Variants in NSG2 observed in about 807,000 individuals in gnomAD.
The protein encoded by NSG2 is neuronal vesicle trafficking associated 2.
A neutral mutation model predicts 16.9 loss-of-function variants in NSG2; 4 were observed. The ratio of observed to expected loss-of-function variants is 0.24; its 90% CI spans 0.12 to 0.54. The LOEUF is 0.54. NSG2 is among the 20% of genes least tolerant of loss of function. NSG2 has a pLI of 0.95. For synonymous variants in NSG2, 98 were observed against 88.7 expected, an observed-to-expected ratio of 1.11 and a Z score of -0.59; for missense variants, 179 against 221.1, an observed-to-expected ratio of 0.81 and a Z score of 1.21.
intron 3 of NSG2, 103 bp from the exon 4 acceptor site, chr5:174,104,125 C>G: frequency 3.8e-6 from 3 of 794,254 alleles, no homozygotes; most frequent in Non-Finnish European, 6.5e-6. Flanking sequence ...GTCCCCCTTT[C>G]TAGCACACCA....
chr5:174,047,589 G>A (rs1287513600), intron 2 of NSG2, among the ~76,000 whole-genome samples: 1 of 152,198 alleles, frequency 6.6e-6, no homozygotes, highest in Non-Finnish European at 1.5e-5. Context: ...AAGGCAAAGG[G>A]CACACATATG....
rs148278017 is a variant in NSG2, at chr5:174,046,444, T to C, written c.-22-290T>C. On this transcript the variant is annotated intron_variant, in intron 1 of 4. Transcript: ENST00000303177. ...AGCACTTTAGCTCTAGTGTCTTGGG[T>C]ATTTGTTTTACACTTATATTTTTTG... Among the ~76,000 whole-genome samples, 262 of 152,260 alleles carry C rather than the reference T, an allele frequency of 1.7e-3. 1 individual carries two copies. Among genetic ancestry groups the C allele is most frequent in the African/African-American group, 6.0e-3 (248 of 41,542 alleles).
intron 3 of NSG2, among the ~76,000 whole-genome samples, chr5:174,087,941 C>T (rs1760659339): frequency 3.9e-5 from 6 of 152,082 alleles, no homozygotes; most frequent in Admixed American, 3.3e-4. Context: ...TAGGGATTGA[C>T]CCTAGAGAAT....
chr5:174,080,799 G>A (rs1225767562), intron 3 of NSG2, among the ~76,000 whole-genome samples: 2 of 152,082 alleles, frequency 1.3e-5, no homozygotes, highest in African/African-American at 2.4e-5. Context: ...CTGATCTCAG[G>A]TGATCCGCCC....
At chr5:174,064,471 G>A in intron 3 of NSG2, 156 bp downstream of exon 3, 2 of 479,440 alleles carry the variant, frequency 4.2e-6, no homozygotes, top group Non-Finnish European at 3.8e-6. Flanking sequence ...TGGCCACTGA[G>A]TTTAATCAAA....
At chr5:174,078,289 C>T (rs1760383218) in intron 3 of NSG2, among the ~76,000 whole-genome samples, 1 of 152,086 alleles carries the variant, frequency 6.6e-6, no homozygotes, top group East Asian at 1.9e-4. Flanking sequence ...CACACACACA[C>T]ACACAGACAC....
intron 4 of NSG2, among the ~76,000 whole-genome samples, chr5:174,105,977 A>C (rs1233867250): frequency 6.6e-6 from 1 of 152,226 alleles, no homozygotes; most frequent in Non-Finnish European, 1.5e-5. Flanking sequence ...ACTGTGACAC[A>C]TCCACCCAGT....
At chr5:174,049,201 G>A (rs779450475) in intron 2 of NSG2, among the ~76,000 whole-genome samples, 5 of 152,222 alleles carry the variant, frequency 3.3e-5, no homozygotes, top group Non-Finnish European at 5.9e-5. Context: ...TTAGCCGGGC[G>A]TGGTGGTGGG....
intron 3 of NSG2, among the ~76,000 whole-genome samples, chr5:174,097,264 T>C (rs893175314): frequency 6.6e-6 from 1 of 152,074 alleles, no homozygotes; most frequent in Non-Finnish European, 1.5e-5. Flanking sequence ...GGGTGCATCT[T>C]CATGGGTGCC....
At chr5:174,066,292 A>G in intron 3 of NSG2, 1 of 455,948 alleles carries the variant, frequency 2.2e-6, no homozygotes, top group Non-Finnish European at 4.4e-6. Context: ...ACCTGCATGA[A>G]TGAGCACAGA....
chr5:174,058,819 A>G (rs1760004933), intron 2 of NSG2, among the ~76,000 whole-genome samples: 2 of 152,234 alleles, frequency 1.3e-5, no homozygotes, highest in Non-Finnish European at 2.9e-5. Context: ...CGGGGTGAAG[A>G]CAAAATATTG....
intron 2 of NSG2, among the ~76,000 whole-genome samples, chr5:174,055,360 G>A (rs1381293706): frequency 2.0e-5 from 3 of 152,166 alleles, no homozygotes; most frequent in African/African-American, 7.2e-5. Context: ...TTGGGAAGCC[G>A]AGGTGGGCGG....
At chr5:174,076,970 A>T (rs1760354913) in intron 3 of NSG2, among the ~76,000 whole-genome samples, 1 of 152,212 alleles carries the variant, frequency 6.6e-6, no homozygotes, top group South Asian at 2.1e-4. Flanking sequence ...GATAAGTCAG[A>T]TTTGTTCAGT....
In NSG2 at chr5:174,107,612, G is replaced by C. The variant is rs1412027081; in HGVS notation, c.*107G>C. ...ACTGTACTCCTGGGATATGGGGGCGGGGGCGGGGCAGGGCAGGGTGGGGGG... is the reference window on the plus strand; with the variant it reads ...ACTGTACTCCTGGGATATGGGGGCGCGGGCGGGGCAGGGCAGGGTGGGGGG... On this transcript the variant is annotated 3_prime_UTR_variant, in exon 5 of 5. Transcript: ENST00000303177. This position sits in a 1 kb window ranked among gnomAD's most constrained non-coding sequence, Gnocchi z 4.5. 1.9e-6 allele frequency: 2 copies of C among 1,074,722 alleles called. No homozygotes were observed. Among genetic ancestry groups the C allele is most frequent in the Middle Eastern group, 4.2e-4 (2 of 4,740 alleles). The allele number at this position is 1,074,722 out of a possible 1,614,324, so 66.6% of individuals were successfully genotyped here. A position where few individuals can be genotyped will look rare whatever the true frequency, so the allele number is the denominator to read the frequency against.
chr5:174,073,367 A>C (rs1415758492), intron 3 of NSG2, among the ~76,000 whole-genome samples: 4 of 152,072 alleles, frequency 2.6e-5, no homozygotes, highest in Non-Finnish European at 5.9e-5. Flanking sequence ...CTTTCTTTTA[A>C]ATTTTGAGGA....
chr5:174,046,692 CCTCA>C (rs1759805033), intron 1 of NSG2, 38 bp from the exon 2 acceptor site: 1 of 1,599,670 alleles, frequency 6.3e-7, no homozygotes, highest in Non-Finnish European at 8.5e-7. Flanking sequence ...TCTCTTTCTG[CCTCA>C]CCTCCTGCTG....
chr5:174,080,870 T>TTGAGATTTTCTATCTAGAAGC (rs1414975393), intron 3 of NSG2, among the ~76,000 whole-genome samples: 2 of 152,178 alleles, frequency 1.3e-5, no homozygotes. Context: ...GCGTAAAATA[T>TTGAGATTTTCTATCTAGAAGC]TGAGATTTTC....
chr5:174,108,129 C>G lies in NSG2; in HGVS notation c.*624C>G, dbSNP rs140278071. On this transcript the variant is annotated 3_prime_UTR_variant, in exon 5 of 5. Transcript: ENST00000303177. ...ATGTGCTGGCCTCTGGTGCATTTTG[C>G]AAGATGAGCACAAACTTTCTGGGCC... The G allele has an allele frequency of 1.7e-4, 36 of 209,950 alleles. No homozygotes were observed. Among genetic ancestry groups the G allele is most frequent in the African/African-American group, 8.5e-4 (36 of 42,106 alleles). 13.0% of individuals were successfully genotyped at this position (209,950 alleles called of 1,614,324 possible). A position where few individuals can be genotyped will look rare whatever the true frequency, so the allele number is the denominator to read the frequency against.
At chr5:174,060,032 C>G (rs1760024601) in intron 2 of NSG2, among the ~76,000 whole-genome samples, 1 of 152,234 alleles carries the variant, frequency 6.6e-6, no homozygotes, top group African/African-American at 2.4e-5. Flanking sequence ...GTCAATCCCA[C>G]TGAACCACAT....
Sources: gnomAD v4.1 joint callset for allele counts (sites outside exome capture counted in the v4.1 genomes callset) on GRCh38, gnomAD v4.1.1 for gene constraint, Gnocchi (gnomAD v3.1) non-coding constraint, MANE v1.5 for transcripts, NCBI Gene and HGNC (gene_info 2026-07-23, HGNC 2026-07-21) for gene names.